STRBP: variants seen among roughly 807,000 people sequenced by gnomAD.
The protein encoded by STRBP is spermatid perinuclear RNA-binding protein.
Under a neutral mutation model 80.1 loss-of-function variants are expected in STRBP, and 13 were observed. The observed-to-expected ratio is 0.16, with a 90% confidence interval of 0.11 to 0.26. The LOEUF is 0.26. Ranked by LOEUF, STRBP falls within the 10% of genes least tolerant of loss-of-function variation. STRBP has a pLI of 1.00. For missense variants in STRBP, 485 were observed against 815.2 expected (o/e 0.59, Z 4.93); for synonymous variants, 284 against 291.2 (o/e 0.98, Z 0.25).
At chr9:123,163,814 A>G (rs952944907) in intron 6 of STRBP, among the ~76,000 whole-genome samples, 1 of 152,090 alleles carries the variant, frequency 6.6e-6, no homozygotes, top group Admixed American at 6.5e-5. Context: ...CAGAATCTCA[A>G]CTTTAATATT....
intron 11 of STRBP, among the ~76,000 whole-genome samples, chr9:123,148,871 G>GA (rs1281026837): frequency 1.3e-5 from 2 of 152,036 alleles, no homozygotes; most frequent in Non-Finnish European, 2.9e-5. Context: ...CTTAACACAA[G>GA]ACTTAGAAGC....
intron 4 of STRBP, among the ~76,000 whole-genome samples, chr9:123,174,696 A>G (rs1260956387): frequency 6.6e-6 from 1 of 152,158 alleles, no homozygotes; most frequent in Non-Finnish European, 1.5e-5. Context: ...AAATGTGATA[A>G]AAGTATAGAG....
In STRBP at chr9:123,124,610, G is replaced by C; in HGVS notation, c.*987C>G. ...TGAAGAGGAAAGGAGACCCTTCAAT[G>C]AATCCCAGCAAAATCACTAATCTTC... is the stretch of plus-strand genomic sequence containing the variant. On this transcript the variant is annotated 3_prime_UTR_variant, in exon 19 of 19. Coordinates refer to ENST00000348403, the MANE Select transcript of STRBP (RefSeq NM_018387.5). 1 of 985,414 alleles carries C rather than the reference G, an allele frequency of 1.0e-6. No individual in the cohort carries two copies. Among genetic ancestry groups the C allele is most frequent in the Non-Finnish European group, 1.2e-6 (1 of 829,930 alleles). 61.0% of individuals were successfully genotyped at this position (985,414 alleles called of 1,614,324 possible).
chr9:123,208,608 A>G (rs1272689604), intron 2 of STRBP, among the ~76,000 whole-genome samples: 2 of 152,206 alleles, frequency 1.3e-5, no homozygotes, highest in African/African-American at 2.4e-5. Context: ...CAACATATAC[A>G]TGAATAAGTA....
intron 2 of STRBP, among the ~76,000 whole-genome samples, chr9:123,224,792 T>TA (rs1472261803): frequency 6.6e-6 from 1 of 152,120 alleles, no homozygotes; most frequent in Non-Finnish European, 1.5e-5. Flanking sequence ...AAAAGATACT[T>TA]AAAACTTTTC....
intron 2 of STRBP, among the ~76,000 whole-genome samples, chr9:123,208,503 G>C (rs1220186389): frequency 6.6e-6 from 1 of 152,138 alleles, no homozygotes; most frequent in African/African-American, 2.4e-5. Context: ...TTCTTAAGGG[G>C]AGGGGCAAAA....
intron 1 of STRBP, among the ~76,000 whole-genome samples, chr9:123,257,627 C>T (rs2041062516): frequency 6.6e-6 from 1 of 152,152 alleles, no homozygotes; most frequent in African/African-American, 2.4e-5. Flanking sequence ...CCAACCTGGG[C>T]AACACAGCAA....
rs991147379 is a variant in STRBP, at chr9:123,264,611, G to C, written c.-302+3825C>G. On this transcript the variant is annotated intron_variant, in intron 1 of 18. Transcript: ENST00000348403. ...CCTTGATTCTCATGGGAGATGGATA[G>C]AGTCAGATTTCTAGAGAAGAAACCA... 9.9e-5 allele frequency among the ~76,000 whole-genome samples: 15 copies of C among 152,210 alleles called. No homozygotes were observed. The South Asian group carries it at 2.9e-3, about 29-fold the overall frequency.
intron 14 of STRBP, among the ~76,000 whole-genome samples, chr9:123,137,766 T>A (rs2036422872): frequency 6.6e-6 from 1 of 152,198 alleles, no homozygotes; most frequent in Admixed American, 6.5e-5. Context: ...CTTAGTAAAG[T>A]ATTCCGTGCA....
intron 2 of STRBP, among the ~76,000 whole-genome samples, chr9:123,208,028 G>A (rs1009629092): frequency 9.9e-5 from 15 of 151,838 alleles, no homozygotes; most frequent in Admixed American, 2.6e-4. Flanking sequence ...TTAGCCTTCC[G>A]GTACTAGCAA....
chr9:123,256,674 T>C (rs550355624), intron 1 of STRBP, among the ~76,000 whole-genome samples: 1 of 152,214 alleles, frequency 6.6e-6, no homozygotes. Flanking sequence ...TCCCAACAAC[T>C]CAGGGCACAA....
chr9:123,260,892 G>GA (rs2041147405), intron 1 of STRBP, among the ~76,000 whole-genome samples: 1 of 152,142 alleles, frequency 6.6e-6, no homozygotes, highest in South Asian at 2.1e-4. Context: ...AGGTCCTTTT[G>GA]AGTCTATCAC....
At chr9:123,165,407 A>G (rs1305410291) in intron 6 of STRBP, among the ~76,000 whole-genome samples, 3 of 152,106 alleles carry the variant, frequency 2.0e-5, no homozygotes, top group African/African-American at 7.2e-5. Context: ...CCTTGACCCT[A>G]GCAAGACACA....
At chr9:123,204,548 ACT>A (rs1361132977) in intron 2 of STRBP, among the ~76,000 whole-genome samples, 1 of 152,222 alleles carries the variant, frequency 6.6e-6, no homozygotes, top group East Asian at 1.9e-4. Context: ...AGGTCATCAG[ACT>A]ATTTTTAGAA....
downstream of STRBP, among the ~76,000 whole-genome samples, chr9:123,116,849 T>C (rs893281303): frequency 3.3e-4 from 50 of 152,206 alleles, no homozygotes; most frequent in African/African-American, 1.1e-3. Flanking sequence ...TATTTCCTCA[T>C]CTGTAAAAGG....
rs1478154167 is a variant in STRBP at position 123,126,177 on chromosome 9, T to C, written c.1943-504A>G. Among the ~76,000 whole-genome samples the C allele has an allele frequency of 6.6e-6, 1 of 152,342 alleles. No homozygotes were observed. Among genetic ancestry groups the C allele is most frequent in the East Asian group, 1.9e-4 (1 of 5,186 alleles). ...TGGAAAGATTAATTACTTTCTGAAT[T>C]TGTAATTAATACGTTCTTGTGGCCT... On this transcript the variant is annotated intron_variant, in intron 18 of 18. Transcript: ENST00000348403. This position sits in a 1 kb window ranked among gnomAD's most constrained non-coding sequence, Gnocchi z 4.4.
chr9:123,164,267 G>C (rs558609492), intron 6 of STRBP, among the ~76,000 whole-genome samples: 1 of 152,218 alleles, frequency 6.6e-6, no homozygotes, highest in Non-Finnish European at 1.5e-5. Context: ...GACTGGACTT[G>C]AACTCCTGAC....
At chr9:123,146,737 A>G in intron 13 of STRBP, 118 bp downstream of exon 13, 1 of 884,202 alleles carries the variant, frequency 1.1e-6, no homozygotes, top group South Asian at 2.8e-5. Context: ...ACAAAAGTCT[A>G]TATATAATAT....
intron 17 of STRBP, among the ~76,000 whole-genome samples, chr9:123,128,562 C>T (rs1283052515): frequency 6.6e-6 from 1 of 152,198 alleles, no homozygotes; most frequent in African/African-American, 2.4e-5. Flanking sequence ...TCTGGGTTCC[C>T]CACTAGAGTA....
Sources: gnomAD v4.1 joint callset for allele counts (sites outside exome capture counted in the v4.1 genomes callset) on GRCh38, gnomAD v4.1.1 for gene constraint, Gnocchi (gnomAD v3.1) non-coding constraint, MANE v1.5 for transcripts, NCBI Gene and HGNC (gene_info 2026-07-23, HGNC 2026-07-21) for gene names.